The following TIAM1 variants were observed in gnomAD, a reference collection of about 807,000 sequenced individuals.
TIAM1 encodes the protein rho guanine nucleotide exchange factor TIAM1.
TIAM1 carries 65 observed loss-of-function variants against 163.5 expected under a neutral mutation model. The ratio of observed to expected loss-of-function variants is 0.40; its 90% CI spans 0.33 to 0.49. The LOEUF (loss-of-function observed/expected upper bound fraction) is 0.49, where lower values mean the gene tolerates loss of function less well. TIAM1 is among the 20% of genes least tolerant of loss of function. TIAM1 has a pLI of 0.77. For missense variants in TIAM1, 1,789 were observed against 2,044.7 expected (o/e 0.87, Z 2.41); for synonymous variants, 833 against 810.1 (o/e 1.03, Z -0.48).
At chr21:31,420,110 A>C (rs1449248827) in intron 2 of TIAM1, among the ~76,000 whole-genome samples, 1 of 152,214 alleles carries the variant, frequency 6.6e-6, no homozygotes, top group African/African-American at 2.4e-5. Flanking sequence ...CTTCTCTGCA[A>C]TTTTTGAAAA....
At chr21:31,299,833 T>C (rs2074433763) in intron 2 of TIAM1, among the ~76,000 whole-genome samples, 1 of 152,152 alleles carries the variant, frequency 6.6e-6, no homozygotes, top group Non-Finnish European at 1.5e-5. Flanking sequence ...TAAGAGTACA[T>C]GGAACAATCT....
At chr21:31,454,418 T>A (rs1462076394) in intron 2 of TIAM1, among the ~76,000 whole-genome samples, 1 of 152,206 alleles carries the variant, frequency 6.6e-6, no homozygotes. Context: ...TTCTTATATA[T>A]GTAAAAAACA....
chr21:31,474,160 C>T (rs530286716), intron 1 of TIAM1, among the ~76,000 whole-genome samples: 2 of 152,310 alleles, frequency 1.3e-5, no homozygotes, highest in Admixed American at 6.5e-5. Flanking sequence ...GGCACCAAGC[C>T]GTCTGTGAGG....
intron 15 of TIAM1, among the ~76,000 whole-genome samples, chr21:31,172,383 A>G (rs2084556003): frequency 6.6e-6 from 1 of 152,228 alleles, no homozygotes; most frequent in African/African-American, 2.4e-5. Context: ...CAATAGTAGT[A>G]GGTGAGCGGC....
chr21:31,256,146 A>G (rs956313502), intron 4 of TIAM1, among the ~76,000 whole-genome samples: 16 of 152,226 alleles, frequency 1.1e-4, no homozygotes, highest in African/African-American at 3.1e-4. Context: ...AGGGTCACGC[A>G]GCATGAATGT....
At chr21:31,161,069 G>GTGTGTGTGTGTGTT (rs1470943233) in intron 16 of TIAM1, among the ~76,000 whole-genome samples, 5 of 145,754 alleles carry the variant, frequency 3.4e-5, no homozygotes, top group African/African-American at 1.4e-4. Flanking sequence ...GTGTGTGTGT[G>GTGTGTGTGTGTGTT]TGTGTGTGTT....
chr21:31,263,948 C>A (rs545028401), intron 4 of TIAM1, among the ~76,000 whole-genome samples: 2 of 152,136 alleles, frequency 1.3e-5, no homozygotes, highest in Non-Finnish European at 2.9e-5. Context: ...AGAAGTAGCC[C>A]TCGCAGGGTA....
In TIAM1 at chr21:31,266,181, A is replaced by C. The variant is rs1248850247; in HGVS notation, c.792T>G (p.Ile264Met). The change falls in exon 4 of 28, where the codon ATT becomes ATG. Residue 264 changes from isoleucine to methionine, a missense_variant. This residue lies in a region of TIAM1 where 555 missense variants were observed against 564.9 expected (regional missense o/e 0.98). Coordinates refer to ENST00000541036, the MANE Select transcript of TIAM1 (RefSeq NM_001353694.2). ...AGYCRNLVSD[I>M]PNLANHKMPP... ...GCATCTTATGGTTTGCAAGATTGGG[A>C]ATATCAGACACCAAATTCCGACAGT... 6.2e-7 allele frequency: 1 copy of C among 1,613,988 alleles called. No individual in the cohort carries two copies. The highest frequency in any genetic ancestry group is 1.3e-5 in the African/African-American group (1 of 74,888).
intron 11 of TIAM1, among the ~76,000 whole-genome samples, chr21:31,205,893 G>A (rs2086428729): frequency 6.6e-6 from 1 of 152,078 alleles, no homozygotes; most frequent in African/African-American, 2.4e-5. Flanking sequence ...GCTTGAGCCT[G>A]GGAGGGCAAG....
intron 1 of TIAM1, among the ~76,000 whole-genome samples, chr21:31,490,171 C>T (rs2147418118): frequency 6.6e-6 from 1 of 151,484 alleles, no homozygotes; most frequent in East Asian, 1.9e-4. Flanking sequence ...TTCTTGTTAA[C>T]TCAGAGAGGC....
At chr21:31,296,704 C>T (rs1048867308) in intron 2 of TIAM1, among the ~76,000 whole-genome samples, 1 of 151,880 alleles carries the variant, frequency 6.6e-6, no homozygotes, top group Non-Finnish European at 1.5e-5. Context: ...CGCTCTGTCA[C>T]CCAGGCTGGA....
intron 26 of TIAM1, among the ~76,000 whole-genome samples, chr21:31,125,076 A>G (rs1030224560): frequency 1.3e-5 from 2 of 152,164 alleles, no homozygotes; most frequent in Admixed American, 1.3e-4. Flanking sequence ...CAGAGCACCC[A>G]AAGGCCGACG....
At chr21:31,410,668 G>T (rs989055558) in intron 2 of TIAM1, among the ~76,000 whole-genome samples, 10 of 151,848 alleles carry the variant, frequency 6.6e-5, no homozygotes, top group African/African-American at 2.4e-4. Context: ...ATATGTATAT[G>T]TACGAGACAG....
chr21:31,557,873 G>A (rs1475420941), intron 1 of TIAM1, among the ~76,000 whole-genome samples: 2 of 152,138 alleles, frequency 1.3e-5, no homozygotes, highest in Non-Finnish European at 2.9e-5. Context: ...GCGCCCCGAG[G>A]GCCGCCAGCC....
chr21:31,340,137 C>T (rs1405118523), intron 1 of TIAM1, among the ~76,000 whole-genome samples: 1 of 151,590 alleles, frequency 6.6e-6, no homozygotes, highest in African/African-American at 2.4e-5. Context: ...AAGCCTTTTC[C>T]CAGCTCACAA....
chr21:31,553,778 C>A (rs967129614), intron 1 of TIAM1, among the ~76,000 whole-genome samples: 2 of 152,088 alleles, frequency 1.3e-5, no homozygotes, highest in Non-Finnish European at 2.9e-5. Context: ...CCTCAACAAG[C>A]AGACGTCACT....
chr21:31,528,575 C>T (rs1243865843), intron 1 of TIAM1, among the ~76,000 whole-genome samples: 2 of 151,410 alleles, frequency 1.3e-5, no homozygotes, highest in East Asian at 3.9e-4. Flanking sequence ...GAGGCCGAGG[C>T]GGGCGGATCA....
intron 3 of TIAM1, among the ~76,000 whole-genome samples, chr21:31,268,264 G>A (rs1245892841): frequency 6.6e-6 from 1 of 152,168 alleles, no homozygotes; most frequent in Admixed American, 6.5e-5. Context: ...CTACTCTCAT[G>A]AAGCTAATTT....
intron 1 of TIAM1, among the ~76,000 whole-genome samples, chr21:31,500,119 C>G (rs1602428070): frequency 6.6e-6 from 1 of 152,102 alleles, no homozygotes; most frequent in Non-Finnish European, 1.5e-5. Flanking sequence ...GAGCCAAGAT[C>G]GCACCATTGC....
Sources: allele counts gnomAD v4.1 joint callset (sites outside exome capture counted in the v4.1 genomes callset), GRCh38; gene constraint gnomAD v4.1.1; regional missense constraint gnomAD v4.1.1; transcripts MANE v1.5; gene names NCBI Gene and HGNC (gene_info 2026-07-23, HGNC 2026-07-21).